C2CD2: variants seen among roughly 807,000 people sequenced by gnomAD.
The protein encoded by C2CD2 is C2 calcium dependent domain containing 2.
Under a neutral mutation model 74.3 loss-of-function variants are expected in C2CD2, and 43 were observed. The observed-to-expected ratio is 0.58, with a 90% CI of 0.45 to 0.75. The LOEUF (loss-of-function observed/expected upper bound fraction) is 0.75, where lower values mean the gene tolerates loss of function less well. C2CD2 is among the 30% of genes least tolerant of loss of function. The pLI is 0.00. For synonymous variants in C2CD2, 422 were observed against 390.7 expected (o/e 1.08, Z -0.94); for missense variants, 801 against 916.3 (o/e 0.87, Z 1.63).
At chr21:41,918,009 T>C (rs1471572006) in intron 5 of C2CD2, 96 bp downstream of exon 5, 3 of 1,427,470 alleles carry the variant, frequency 2.1e-6, no homozygotes, top group African/African-American at 2.8e-5. Context: ...CCATGGGAGG[T>C]GGAGGAACGC....
At chr21:41,953,187 T>C in intron 1 of C2CD2, 183 bp downstream of exon 1, 1 of 411,970 alleles carries the variant, frequency 2.4e-6, no homozygotes, top group East Asian at 3.6e-5. Context: ...CACTTTGTCT[T>C]GTCTCTCCGT....
rs142388021 is a variant in C2CD2 at position 41,892,225 on chromosome 21, C to A, written c.1871-2881G>T. Among the ~76,000 whole-genome samples, 73 of 152,242 alleles carry A rather than the reference C, an allele frequency of 4.8e-4. No homozygotes were observed. Among genetic ancestry groups the A allele is most frequent in the African/African-American group, 1.8e-3 (73 of 41,538 alleles). The stretch of plus-strand genomic sequence containing the variant: ...ATGCCACGTGAAGATGAAGGCAGAG[C>A]ACAGGGTGATGCTTCTACAAGCCAA... On this transcript the variant is annotated intron_variant, in intron 13 of 13. Transcript: ENST00000380486. This position sits in a 1 kb window ranked among gnomAD's most constrained non-coding sequence, Gnocchi z 4.6.
At chr21:41,946,094 A>T (rs1325583378) in intron 1 of C2CD2, among the ~76,000 whole-genome samples, 1 of 152,216 alleles carries the variant, frequency 6.6e-6, no homozygotes, top group Non-Finnish European at 1.5e-5. Context: ...AATAATAAAG[A>T]CAGTAAGGAA....
Position 41,885,471 on chromosome 21 carries a change from C to T in C2CD2, c.*3653G>A. ...GTATTGTGTTTCGAATGCAAACGGTCATGGACCCAAGTTAACCTGAGTTTG... is the reference window on the plus strand; with the variant it reads ...GTATTGTGTTTCGAATGCAAACGGTTATGGACCCAAGTTAACCTGAGTTTG... On this transcript the variant is annotated 3_prime_UTR_variant, in exon 14 of 14. Transcript: ENST00000380486. 1 of 152,830 alleles carries T rather than the reference C, an allele frequency of 6.5e-6. No individual in the cohort carries two copies. Among genetic ancestry groups the T allele is most frequent in the Non-Finnish European group, 1.5e-5 (1 of 68,088 alleles). The allele number at this position is 152,830 out of a possible 1,614,324, so 9.5% of individuals were successfully genotyped here.
rs1047548155 is a variant in C2CD2 at position 41,886,823 on chromosome 21, A to T, written c.*2301T>A. 1 of 152,102 alleles carries T rather than the reference A, an allele frequency of 6.6e-6. No homozygotes were observed. Among genetic ancestry groups the T allele is most frequent in the Non-Finnish European group, 1.5e-5 (1 of 68,036 alleles). The allele number at this position is 152,102 out of a possible 1,614,324, so 9.4% of individuals were successfully genotyped here. A position where few individuals can be genotyped will look rare whatever the true frequency, so the allele number is the denominator to read the frequency against. ...AACATGGTGAGACTCCATTTCTACT[A>T]AATAGAATTAGCCAGGTGTGGTGGC... On this transcript the variant is annotated 3_prime_UTR_variant, in exon 14 of 14. Transcript: ENST00000380486.
chr21:41,916,266 T>C (rs909699610), intron 5 of C2CD2, among the ~76,000 whole-genome samples: 8 of 152,136 alleles, frequency 5.3e-5, no homozygotes, highest in Admixed American at 3.9e-4. Context: ...TGCCCAGATA[T>C]CTGGTCCAAC....
chr21:41,925,321 TAAA>T (rs61121128), intron 2 of C2CD2, among the ~76,000 whole-genome samples: 5 of 147,676 alleles, frequency 3.4e-5, no homozygotes, highest in African/African-American at 1.2e-4. Flanking sequence ...CTCCATCTCT[TAAA>T]AAAAAAAAAA....
intron 5 of C2CD2, among the ~76,000 whole-genome samples, chr21:41,917,885 G>A (rs1013318617): frequency 2.0e-5 from 3 of 152,178 alleles, no homozygotes; most frequent in African/African-American, 7.2e-5. Context: ...ACAGGGAAAT[G>A]TCAGGTTTTC....
At chr21:41,909,425 G>A (rs756508676) in intron 8 of C2CD2, 34 bp downstream of exon 8, 2 of 1,524,136 alleles carry the variant, frequency 1.3e-6, no homozygotes, top group Non-Finnish European at 1.8e-6. Context: ...GACCTTTCCA[G>A]AGGGCGAGGC....
chr21:41,893,490 G>T (rs761443181), intron 13 of C2CD2, among the ~76,000 whole-genome samples: 1 of 152,192 alleles, frequency 6.6e-6, no homozygotes, highest in Admixed American at 6.5e-5. Flanking sequence ...AGATTCGCAC[G>T]GCATGTTTGT....
At chr21:41,889,387 T>A (rs756329589) in intron 13 of C2CD2, 43 bp from the exon 14 acceptor site, 5 of 1,358,572 alleles carry the variant, frequency 3.7e-6, no homozygotes, top group Non-Finnish European at 5.2e-6. Context: ...GGGCAGGGAA[T>A]GAGGGGCTGA....
chr21:41,899,032 G>T lies in C2CD2; in HGVS notation c.1870+21C>A. On this transcript the variant is annotated intron_variant, in intron 13 of 13. Coordinates refer to ENST00000380486, the MANE Select transcript of C2CD2 (RefSeq NM_015500.2). This position sits in a 1 kb window ranked among gnomAD's most constrained non-coding sequence, Gnocchi z 4.4. Reference sequence around the variant, plus strand: ...AGCCACCAAGTGGGGGGCCCGGGATGGGGGGCTCGGGAGCAGGTACCTTTA... The same window carrying T: ...AGCCACCAAGTGGGGGGCCCGGGATTGGGGGCTCGGGAGCAGGTACCTTTA... 6.3e-7 allele frequency: 1 copy of T among 1,597,952 alleles called. No homozygotes were observed. The highest frequency in any genetic ancestry group is 8.6e-7 in the Non-Finnish European group (1 of 1,169,140).
At chr21:41,896,968 G>A (rs1203689303) in intron 13 of C2CD2, among the ~76,000 whole-genome samples, 2 of 152,162 alleles carry the variant, frequency 1.3e-5, no homozygotes, top group African/African-American at 2.4e-5. Flanking sequence ...GGAGTGAAAC[G>A]CACGGCACGG....
intron 13 of C2CD2, among the ~76,000 whole-genome samples, 184 bp from the exon 14 acceptor site, chr21:41,889,528 A>G (rs954963912): frequency 6.6e-5 from 10 of 152,150 alleles, no homozygotes; most frequent in Non-Finnish European, 1.5e-4. Context: ...ACAAAACGAG[A>G]GTTTTCAAGA....
chr21:41,912,499 T>A (rs1253077177), intron 6 of C2CD2, 59 bp from the exon 7 acceptor site: 6 of 862,912 alleles, frequency 7.0e-6, no homozygotes, highest in African/African-American at 1.8e-5. Flanking sequence ...ATTTATTTTT[T>A]TTTTTTTTTG....
chr21:41,907,562 A>G (rs2064977478), intron 9 of C2CD2, 98 bp downstream of exon 9: 9 of 1,340,894 alleles, frequency 6.7e-6, no homozygotes. Flanking sequence ...CTTATTTCAC[A>G]CAGAGGCAGG....
At position 41,885,406 on chromosome 21, in the gene C2CD2, T is replaced by C. The variant is rs1219056214; in HGVS notation, c.*3718A>G. The stretch of plus-strand genomic sequence containing the variant: ...AACCACAAGCCTAAATGATGAATGG[T>C]GCGCTGCTGCCCAGCTGCTAACTGA... On this transcript the variant is annotated 3_prime_UTR_variant, in exon 14 of 14. Coordinates refer to ENST00000380486, the MANE Select transcript of C2CD2 (RefSeq NM_015500.2). 6.6e-6 allele frequency: 1 copy of C among 152,658 alleles called. No individual in the cohort carries two copies. The highest frequency in any genetic ancestry group is 1.5e-5 in the Non-Finnish European group (1 of 68,042). 9.5% of individuals were successfully genotyped at this position (152,658 alleles called of 1,614,324 possible).
At chr21:41,907,991 C>A in intron 8 of C2CD2, 1 of 591,326 alleles carries the variant, frequency 1.7e-6, no homozygotes, top group Non-Finnish European at 3.0e-6. Context: ...ACAGAGGATG[C>A]TAAAGCAATA....
chr21:41,911,237 TTA>T (rs2065022143), intron 7 of C2CD2, among the ~76,000 whole-genome samples: 1 of 152,168 alleles, frequency 6.6e-6, no homozygotes, highest in African/African-American at 2.4e-5. Context: ...ACAGATTTCC[TTA>T]TGAGAAAGCA....
Sources: gnomAD v4.1 joint callset for allele counts (sites outside exome capture counted in the v4.1 genomes callset) on GRCh38, gnomAD v4.1.1 for gene constraint, Gnocchi (gnomAD v3.1) non-coding constraint, MANE v1.5 for transcripts, NCBI Gene and HGNC (gene_info 2026-07-23, HGNC 2026-07-21) for gene names.